LRRN1: variants seen among roughly 807,000 people sequenced by gnomAD.
LRRN1 encodes the protein leucine-rich repeat neuronal protein 1.
In LRRN1, 14 loss-of-function variants were observed where a neutral mutation model predicts 45.8. That is an observed-to-expected ratio of 0.31 (90% CI 0.20 to 0.48). LRRN1 has a LOEUF of 0.48. Ranked by LOEUF, LRRN1 falls within the 20% of genes least tolerant of loss-of-function variation. The probability of loss-of-function intolerance (pLI) is 0.99; values close to 1 mark genes in which losing one functional copy is unlikely to be tolerated. For synonymous variants in LRRN1, 359 were observed against 330.1 expected, an observed-to-expected ratio of 1.09 and a Z score of -0.95; for missense variants, 789 against 874.2, an observed-to-expected ratio of 0.90 and a Z score of 1.23.
In LRRN1 at chr3:3,847,980, C is replaced by T. The variant is rs79954613; in HGVS notation, c.*1188C>T. Among the ~76,000 whole-genome samples, 3,997 of 152,012 alleles carry T rather than the reference C, an allele frequency of 0.026. 191 individuals are homozygous for T. The highest frequency in any genetic ancestry group is 0.092 in the African/African-American group (3,822 of 41,440). On this transcript the variant is annotated 3_prime_UTR_variant, in exon 2 of 2. Transcript: ENST00000319331. ...ACATCCCAACCTGTCACACACAATG[C>T]GTGTGTATATATATATGAATATATT...
At chr3:3,807,786 G>A (rs911719646) in intron 1 of LRRN1, among the ~76,000 whole-genome samples, 6 of 152,156 alleles carry the variant, frequency 3.9e-5, no homozygotes, top group Non-Finnish European at 7.3e-5. Flanking sequence ...AAGGACAGTG[G>A]AGTAGCAATG....
chr3:3,818,449 A>G (rs946853761), intron 1 of LRRN1, among the ~76,000 whole-genome samples: 6 of 152,206 alleles, frequency 3.9e-5, no homozygotes, highest in Non-Finnish European at 8.8e-5. Context: ...TCTCAATTCA[A>G]TAATGTTAAA....
chr3:3,834,525 G>GACATATAT lies in LRRN1; in HGVS notation c.-278-9838_-278-9837insCATATATA, dbSNP rs750534210. ...GCGTTCTCTTAGAGGGACAGAACAG[G>GACATATAT]ATATATATATATATATATATATATA... On this transcript the variant is annotated intron_variant, in intron 1 of 1. Transcript: ENST00000319331. Among the ~76,000 whole-genome samples, 82 of 27,326 alleles carry GACATATAT rather than the reference G, an allele frequency of 3.0e-3. 9 individuals are homozygous for GACATATAT. The South Asian group carries it at 0.04, about 13-fold the overall frequency. The allele number at this position is 27,326 out of a possible 152,430, so 17.9% of individuals were successfully genotyped here.
At chr3:3,826,028 A>G (rs1042883906) in intron 1 of LRRN1, among the ~76,000 whole-genome samples, 4 of 152,174 alleles carry the variant, frequency 2.6e-5, no homozygotes, top group African/African-American at 9.7e-5. Context: ...CTGCACAGCT[A>G]AAACATTTTG....
rs147284538 is a variant in LRRN1, at chr3:3,820,931, C to T, written c.-279+21012C>T. Among the ~76,000 whole-genome samples, 67 of 152,320 alleles carry T rather than the reference C, an allele frequency of 4.4e-4. 1 individual carries two copies. The East Asian group carries it at 0.013, about 28-fold the overall frequency. ...ATGGCTACCTCTGTCTTTGCAGTTA[C>T]CAGGCCCCAGCTGACATGCCTGCTG... On this transcript the variant is annotated intron_variant, in intron 1 of 1. Coordinates refer to ENST00000319331, the MANE Select transcript of LRRN1 (RefSeq NM_020873.7).
intron 1 of LRRN1, among the ~76,000 whole-genome samples, chr3:3,838,504 A>C (rs1433379498): frequency 1.3e-5 from 2 of 152,192 alleles, no homozygotes; most frequent in Middle Eastern, 6.3e-3. Context: ...GTGTACAAAT[A>C]TCTCTTTAAG....
chr3:3,826,472 C>T (rs1693217800), intron 1 of LRRN1, among the ~76,000 whole-genome samples: 1 of 152,112 alleles, frequency 6.6e-6, no homozygotes, highest in African/African-American at 2.4e-5. Flanking sequence ...TGTTCTGTTG[C>T]CTGGCCTATT....
chr3:3,846,023 C>T lies in LRRN1; in HGVS notation c.1382C>T (p.Thr461Ile), dbSNP rs1693768592. The T allele has an allele frequency of 6.2e-7, 1 of 1,613,902 alleles. No individual in the cohort carries two copies. The highest frequency in any genetic ancestry group is 1.7e-5 in the Admixed American group (1 of 59,986). The change falls in exon 2 of 2, where the codon ACT (threonine) becomes ATT (isoleucine). Residue 461 changes from threonine to isoleucine, a missense_variant. Transcript: ENST00000319331. The surrounding 1 kb of genome is among the most constrained non-coding windows in gnomAD (Gnocchi z 5.7). ...AEPEPEIYWV[T>I]PIGNKITVET... The stretch of plus-strand genomic sequence containing the variant: ...CCAGAACCTGAAATTTACTGGGTCA[C>T]TCCCATTGGAAATAAGATAACTGTG...
rs929799293 is a variant in LRRN1 at position 3,847,743 on chromosome 3, A to C, written c.*951A>C. 1 of 166,624 alleles carries C rather than the reference A, an allele frequency of 6.0e-6. No homozygotes were observed. The highest frequency in any genetic ancestry group is 6.5e-5 in the Admixed American group (1 of 15,278). The allele number at this position is 166,624 out of a possible 1,614,324, so 10.3% of individuals were successfully genotyped here. The stretch of plus-strand genomic sequence containing the variant: ...TGTTGCTTTTTAAAGCTAGGCCCTA[A>C]AAGGTTTTAATTCTTTTTCTAAGGG... On this transcript the variant is annotated 3_prime_UTR_variant, in exon 2 of 2. Coordinates refer to ENST00000319331, the MANE Select transcript of LRRN1 (RefSeq NM_020873.7).
At chr3:3,841,747 G>A (rs931601769) in intron 1 of LRRN1, among the ~76,000 whole-genome samples, 1 of 152,242 alleles carries the variant, frequency 6.6e-6, no homozygotes. Flanking sequence ...TCGAACTCCT[G>A]ACCTCATGAT....
chr3:3,837,816 C>A (rs778210621), intron 1 of LRRN1, among the ~76,000 whole-genome samples: 14 of 151,706 alleles, frequency 9.2e-5, no homozygotes, highest in Non-Finnish European at 1.5e-4. Context: ...TTTGCTGCAC[C>A]TATCAACCCA....
chr3:3,800,707 C>T (rs1692631747), intron 1 of LRRN1: 1 of 145,990 alleles, frequency 6.8e-6, no homozygotes, highest in Non-Finnish European at 1.5e-5. Context: ...AGACCTCAGC[C>T]CGTGAGCCTT....
chr3:3,842,373 G>T (rs13100776), intron 1 of LRRN1, among the ~76,000 whole-genome samples: 19,583 of 151,338 alleles, frequency 0.13, 1,277 homozygotes, highest in South Asian at 0.17. Context: ...TCCTACTCCT[G>T]TCTCACACTT....
chr3:3,821,287 G>A (rs1209792528), intron 1 of LRRN1, among the ~76,000 whole-genome samples: 5 of 152,090 alleles, frequency 3.3e-5, no homozygotes, highest in South Asian at 2.1e-4. Context: ...CACCAGCTAC[G>A]TTTCACTTGC....
intron 1 of LRRN1, among the ~76,000 whole-genome samples, chr3:3,818,054 G>C (rs1693023004): frequency 6.6e-6 from 1 of 152,158 alleles, no homozygotes; most frequent in Non-Finnish European, 1.5e-5. Context: ...GTGTAGTGTT[G>C]AATGTACAAT....
rs557338264 is a variant in LRRN1 at position 3,816,257 on chromosome 3, A to G, written c.-279+16338A>G. Among the ~76,000 whole-genome samples, 36 of 152,286 alleles carry G rather than the reference A, an allele frequency of 2.4e-4. No individual in the cohort carries two copies. Among genetic ancestry groups the G allele is most frequent in the African/African-American group, 8.2e-4 (34 of 41,568 alleles). On this transcript the variant is annotated intron_variant, in intron 1 of 1. Coordinates refer to ENST00000319331, the MANE Select transcript of LRRN1 (RefSeq NM_020873.7). The surrounding 1 kb of genome is among the most constrained non-coding windows in gnomAD (Gnocchi z 4.0). ...TCCACTAATGTGCACTGGTGGATTT[A>G]TGGTTTCCAGGTCATCGATGATCTG...
rs1051615523 is a variant in LRRN1, at chr3:3,846,141, T to G, written c.1500T>G (p.Val500=). The G allele has an allele frequency of 1.9e-6, 3 of 1,614,110 alleles. No homozygotes were observed. Among genetic ancestry groups the G allele is most frequent in the Non-Finnish European group, 1.7e-6 (2 of 1,180,034 alleles). Residue 500 remains valine (V), a synonymous_variant, in exon 2 of 2, where the codon GTT becomes GTG. Transcript: ENST00000319331. The surrounding 1 kb of genome is among the most constrained non-coding windows in gnomAD (Gnocchi z 5.7). ...QIEDSGRYTC[V]AQNVQGADTR... ...AAGACTCAGGAAGATACACATGTGT[T>G]GCCCAGAATGTCCAAGGGGCAGACA...
At chr3:3,841,065 C>T (rs960627629) in intron 1 of LRRN1, among the ~76,000 whole-genome samples, 8 of 151,932 alleles carry the variant, frequency 5.3e-5, no homozygotes, top group Non-Finnish European at 7.4e-5. Flanking sequence ...TTTGGGAGGC[C>T]GAAGTGGACG....
Position 3,846,887 on chromosome 3 carries a change from A to G in LRRN1, c.*95A>G. 1 of 1,115,238 alleles carries G rather than the reference A, an allele frequency of 9.0e-7. No individual in the cohort carries two copies. The highest frequency in any genetic ancestry group is 2.1e-4 in the Middle Eastern group (1 of 4,808). 69.1% of individuals were successfully genotyped at this position (1,115,238 alleles called of 1,614,324 possible). On this transcript the variant is annotated 3_prime_UTR_variant, in exon 2 of 2. Coordinates refer to ENST00000319331, the MANE Select transcript of LRRN1 (RefSeq NM_020873.7). This position sits in a 1 kb window ranked among gnomAD's most constrained non-coding sequence, Gnocchi z 5.7. The stretch of plus-strand genomic sequence containing the variant: ...CAAGTTGAAGACTTTTGTATTTTTG[A>G]CTTTGCTAGTTTGTGGCAGAGTGGA...
Sources: allele counts gnomAD v4.1 joint callset (sites outside exome capture counted in the v4.1 genomes callset), GRCh38; gene constraint gnomAD v4.1.1; non-coding constraint Gnocchi (gnomAD v3.1); transcripts MANE v1.5; gene names NCBI Gene and HGNC (gene_info 2026-07-23, HGNC 2026-07-21).